MAP4: variants seen among roughly 807,000 people sequenced by gnomAD.
MAP4 encodes microtubule-associated protein 4.
A neutral mutation model predicts 170.2 loss-of-function variants in MAP4; 76 were observed. That is an observed-to-expected ratio of 0.45 (90% CI 0.37 to 0.54). MAP4 has a LOEUF of 0.54. MAP4 is among the 20% of genes least tolerant of loss of function. The pLI, the probability that MAP4 is intolerant of heterozygous loss-of-function variation, is 0.00. For synonymous variants in MAP4, 909 were observed against 994.5 expected, an observed-to-expected ratio of 0.91 and a Z score of 1.62; for missense variants, 2,506 against 2,748.0, an observed-to-expected ratio of 0.91 and a Z score of 1.97.
chr3:48,051,580 G>A (rs2100127901), intron 1 of MAP4, among the ~76,000 whole-genome samples: 2 of 152,052 alleles, frequency 1.3e-5, no homozygotes, highest in Non-Finnish European at 2.9e-5. Flanking sequence ...AAGATAGGAG[G>A]ATTAAAAGAG....
intron 3 of MAP4, among the ~76,000 whole-genome samples, chr3:47,959,889 G>A (rs570912667): frequency 1.3e-5 from 2 of 151,784 alleles, no homozygotes; most frequent in African/African-American, 4.8e-5. Flanking sequence ...TTGAGATGAA[G>A]TCTTGTTCTG....
chr3:48,032,581 C>T (rs2100116734), intron 1 of MAP4, among the ~76,000 whole-genome samples: 1 of 151,826 alleles, frequency 6.6e-6, no homozygotes, highest in Non-Finnish European at 1.5e-5. Context: ...AGGAGAATCG[C>T]TTGAACCCAG....
At chr3:47,951,910 C>T (rs1214039219) in intron 3 of MAP4, among the ~76,000 whole-genome samples, 2 of 151,674 alleles carry the variant, frequency 1.3e-5, no homozygotes, top group Admixed American at 6.6e-5. Context: ...GTGAGGAGCG[C>T]CTCTTCCCGG....
chr3:47,945,911 G>A (rs192988655), intron 3 of MAP4, among the ~76,000 whole-genome samples: 3 of 151,056 alleles, frequency 2.0e-5, no homozygotes, highest in African/African-American at 7.3e-5. Context: ...ACAGGGCTTC[G>A]CCGTGTTGCC....
chr3:47,872,425 C>T (rs1467703760), intron 12 of MAP4, among the ~76,000 whole-genome samples: 7 of 152,254 alleles, frequency 4.6e-5, no homozygotes, highest in South Asian at 4.1e-4. Flanking sequence ...CCTCATGATC[C>T]GCCTGCCTCA....
Position 47,912,388 on chromosome 3 carries a change from T to G in MAP4, c.2033A>C (p.Gln678Pro). 1 of 1,521,824 alleles carries G rather than the reference T, an allele frequency of 6.6e-7. No homozygotes were observed. Among genetic ancestry groups the G allele is most frequent in the Non-Finnish European group, 8.8e-7 (1 of 1,137,348 alleles). 94.3% of individuals were successfully genotyped at this position (1,521,824 alleles called of 1,614,324 possible). A position where few individuals can be genotyped will look rare whatever the true frequency, so the allele number is the denominator to read the frequency against. The change falls in exon 9 of 21, where the codon CAA becomes CCA. Residue 678 changes from glutamine to proline, a missense_variant. Around this residue, in one of 3 missense-constraint regions of MAP4, gnomAD observed 2,008 missense variants for 2,206.0 expected, o/e 0.91. Transcript: ENST00000683076. ...NFMYCGTPPT[Q>P]AKQVCRPSDR... ...ACTGGGTCTGCAAACTTGTTTGGCTTGTGTGGGAGGGGTACCGCAATACAT... is the reference window on the plus strand; with the variant it reads ...ACTGGGTCTGCAAACTTGTTTGGCTGGTGTGGGAGGGGTACCGCAATACAT...
chr3:47,904,135 G>C (rs2100031602), intron 9 of MAP4, among the ~76,000 whole-genome samples: 1 of 152,124 alleles, frequency 6.6e-6, no homozygotes, highest in Non-Finnish European at 1.5e-5. Context: ...ATAAAGACTT[G>C]GATTCAAATT....
chr3:47,939,858 T>G (rs1055102108), intron 3 of MAP4, among the ~76,000 whole-genome samples: 1 of 152,092 alleles, frequency 6.6e-6, no homozygotes, highest in African/African-American at 2.4e-5. Flanking sequence ...TTAAAAATTT[T>G]TTTGAGGTGG....
intron 2 of MAP4, among the ~76,000 whole-genome samples, chr3:47,982,957 G>A (rs1385588482): frequency 1.3e-5 from 2 of 152,186 alleles, no homozygotes; most frequent in African/African-American, 4.8e-5. Flanking sequence ...GAGTGCAGTG[G>A]CGCAATCTTG....
chr3:47,953,927 T>C (rs1426986592), intron 3 of MAP4, among the ~76,000 whole-genome samples: 1 of 151,842 alleles, frequency 6.6e-6, no homozygotes, highest in Non-Finnish European at 1.5e-5. Context: ...GGCATGAGAA[T>C]TGCTTGAACC....
Position 48,060,884 on chromosome 3 carries a change from G to A in MAP4, c.-20+27889C>T, listed in dbSNP as rs543743773. Among the ~76,000 whole-genome samples the A allele has an allele frequency of 1.4e-4, 21 of 151,986 alleles. No homozygotes were observed. The South Asian group carries it at 2.9e-3, about 21-fold the overall frequency. On this transcript the variant is annotated intron_variant, in intron 1 of 18. Coordinates refer to the MAP4 transcript ENST00000360240. ...ATTTTTGAGACGGAGTCTCACTGTCGCCCAGGCTGGAGGACAGTGGTGCGA... is the reference window on the plus strand; with the variant it reads ...ATTTTTGAGACGGAGTCTCACTGTCACCCAGGCTGGAGGACAGTGGTGCGA...
intron 1 of MAP4, among the ~76,000 whole-genome samples, chr3:48,063,843 G>A (rs2100137107): frequency 6.6e-6 from 1 of 152,224 alleles, no homozygotes; most frequent in African/African-American, 2.4e-5. Flanking sequence ...TAGTTAAGGG[G>A]AAGAAGTAGG....
chr3:48,019,462 A>G (rs947744121), upstream of MAP4, among the ~76,000 whole-genome samples: 1 of 152,222 alleles, frequency 6.6e-6, no homozygotes, highest in Non-Finnish European at 1.5e-5. Flanking sequence ...ATCAGCTCAT[A>G]TATCTGTCAG....
chr3:47,888,248 G>C (rs2097949333), intron 10 of MAP4, among the ~76,000 whole-genome samples: 1 of 152,190 alleles, frequency 6.6e-6, no homozygotes, highest in South Asian at 2.1e-4. Context: ...CCAGATAAGA[G>C]AATAAAAGCA....
At chr3:48,081,159 A>G (rs1446456977) in intron 1 of MAP4, among the ~76,000 whole-genome samples, 3 of 148,318 alleles carry the variant, frequency 2.0e-5, no homozygotes, top group Non-Finnish European at 1.5e-5. Context: ...GAGTGGTGGC[A>G]GGCGCCTGTA....
At chr3:47,886,004 G>A (rs945218461) in intron 10 of MAP4, among the ~76,000 whole-genome samples, 5 of 151,998 alleles carry the variant, frequency 3.3e-5, no homozygotes, top group Admixed American at 6.5e-5. Context: ...TTGGGATTAC[G>A]GGCGTGAGCC....
chr3:48,075,957 AGAGT>A (rs1480818736), intron 1 of MAP4, among the ~76,000 whole-genome samples: 3 of 148,598 alleles, frequency 2.0e-5, no homozygotes, highest in Non-Finnish European at 4.5e-5. Context: ...CCTGGGCGAC[AGAGT>A]GAAACTCCAT....
rs976561383 is a variant in MAP4 at position 47,855,890 on chromosome 3, G to T, written c.6584-530C>A. ...TTGACAGTGACAGGTTGTGAAAATT[G>T]TCTGAGACCCTAAACCGTACCACAC... On this transcript the variant is annotated intron_variant, in intron 18 of 20. Coordinates refer to ENST00000683076, the MANE Select transcript of MAP4 (RefSeq NM_001385682.1). This position sits in a 1 kb window ranked among gnomAD's most constrained non-coding sequence, Gnocchi z 5.1. 1.3e-5 allele frequency among the ~76,000 whole-genome samples: 2 copies of T among 152,166 alleles called. No individual in the cohort carries two copies. Among genetic ancestry groups the T allele is most frequent in the East Asian group, 1.9e-4 (1 of 5,188 alleles).
At chr3:47,869,356 T>C in intron 15 of MAP4, 29 bp from the exon 16 acceptor site, 1 of 1,459,400 alleles carries the variant, frequency 6.9e-7, no homozygotes, top group Non-Finnish European at 9.6e-7. Flanking sequence ...AGGGCAAATT[T>C]CAAACCAAGA....
Sources: allele counts gnomAD v4.1 joint callset (sites outside exome capture counted in the v4.1 genomes callset), GRCh38; gene constraint gnomAD v4.1.1; regional missense constraint gnomAD v4.1.1; non-coding constraint Gnocchi (gnomAD v3.1); transcripts MANE v1.5; gene names NCBI Gene and HGNC (gene_info 2026-07-23, HGNC 2026-07-21).